Variants in PIP5K1C observed in about 807,000 individuals in gnomAD.
The protein encoded by PIP5K1C is phosphatidylinositol-4-phosphate 5-kinase type 1 gamma.
A neutral mutation model predicts 80.1 loss-of-function variants in PIP5K1C; 45 were observed. That is an observed-to-expected ratio of 0.56 (90% CI 0.44 to 0.72). The LOEUF (loss-of-function observed/expected upper bound fraction) is 0.72, where lower values mean the gene tolerates loss of function less well. Among genes scored for constraint, PIP5K1C ranks in the 30% least tolerant of loss-of-function variants. The pLI, the probability that PIP5K1C is intolerant of heterozygous loss-of-function variation, is 0.00. For synonymous variants in PIP5K1C, 498 were observed against 420.1 expected, an observed-to-expected ratio of 1.19 and a Z score of -2.27; for missense variants, 753 against 954.6, an observed-to-expected ratio of 0.79 and a Z score of 2.78.
chr19:3,635,637 T>C, intron 16 of PIP5K1C, among the ~76,000 whole-genome samples: 1 of 148,698 alleles, frequency 6.7e-6, no homozygotes, highest in Admixed American at 6.7e-5. Context: ...GAGCTGAAAT[T>C]GAGCCACTGC....
chr19:3,636,858 G>C, intron 16 of PIP5K1C: 1 of 993,462 alleles, frequency 1.0e-6, no homozygotes, highest in Non-Finnish European at 1.2e-6. Flanking sequence ...AGGCTCTCTG[G>C]GCCCCTTGCT....
At chr19:3,668,087 G>A (rs1222882078) in intron 1 of PIP5K1C, among the ~76,000 whole-genome samples, 5 of 152,138 alleles carry the variant, frequency 3.3e-5, no homozygotes, top group Non-Finnish European at 5.9e-5. Flanking sequence ...CAGCGCAGCA[G>A]GGCCTGGGCC....
At position 3,639,018 on chromosome 19, in the gene PIP5K1C, T is replaced by TG. The variant is rs1255535417; in HGVS notation, c.1788-3dup. 3.1e-6 allele frequency: 5 copies of TG among 1,610,024 alleles called. No homozygotes were observed. The highest frequency in any genetic ancestry group is 4.2e-6 in the Non-Finnish European group (5 of 1,179,872). Reference sequence around the variant, plus strand: ...GCACCGGCCGGGGAAGCCTCCACCCTGGGGACAGGAGTAGACAGAGGGTCT... The same window carrying TG: ...GCACCGGCCGGGGAAGCCTCCACCCTGGGGGACAGGAGTAGACAGAGGGTCT... On this transcript the variant is annotated splice_polypyrimidine_tract_variant and splice_region_variant and intron_variant, in intron 15 of 17. Transcript: ENST00000335312.
chr19:3,643,263 C>G lies in PIP5K1C; in HGVS notation c.1629G>C (p.Thr543=), dbSNP rs757538262. 6.2e-7 allele frequency: 1 copy of G among 1,613,760 alleles called. No individual in the cohort carries two copies. Among genetic ancestry groups the G allele is most frequent in the South Asian group, 1.1e-5 (1 of 91,088 alleles). The change falls in exon 13 of 18, where the codon ACG becomes ACC. Residue 543 remains threonine, a synonymous_variant. Coordinates refer to ENST00000335312, the MANE Select transcript of PIP5K1C (RefSeq NM_012398.3). ...CCCACCTGTACCGCGGCTGCTCCGACGTCTCCGAGGGGGACCGCTCAGGAA... is the reference window on the plus strand; with the variant it reads ...CCCACCTGTACCGCGGCTGCTCCGAGGTCTCCGAGGGGGACCGCTCAGGAA... ...LSIPERSPSE[T]SEQPRYRRRT... is the part of the protein sequence containing the mutation.
At position 3,641,804 on chromosome 19, in the gene PIP5K1C, T is replaced by A. The variant is rs1347314709; in HGVS notation, c.1688A>T (p.Gln563Leu). The A allele has an allele frequency of 6.2e-7, 1 of 1,610,848 alleles. No individual in the cohort carries two copies. The highest frequency in any genetic ancestry group is 8.5e-7 in the Non-Finnish European group (1 of 1,179,396). Residue 563 changes from glutamine to leucine, a missense_variant, in exon 15 of 18, where the codon CAG becomes CTG. By Grantham distance (113) the Gln-to-Leu change is moderately radical. This residue lies in a region of PIP5K1C where 315 missense variants were observed against 294.5 expected (regional missense o/e 1.07). Coordinates refer to ENST00000335312, the MANE Select transcript of PIP5K1C (RefSeq NM_012398.3). ...TQSSGQDGRP[Q>L]EEPPAEEDLQ... Reference sequence around the variant, plus strand: ...ATCCTCTTCCGCGGGTGGCTCCTCCTGCGGCCTGCAGGCAATGGGAGGTTG... The same window carrying A: ...ATCCTCTTCCGCGGGTGGCTCCTCCAGCGGCCTGCAGGCAATGGGAGGTTG...
At chr19:3,676,849 T>G (rs1342844714) in intron 1 of PIP5K1C, among the ~76,000 whole-genome samples, 1 of 152,222 alleles carries the variant, frequency 6.6e-6, no homozygotes, top group Non-Finnish European at 1.5e-5. Context: ...GAGGTGGCTC[T>G]AGCACTTTGG....
chr19:3,674,809 G>A (rs567247196), intron 1 of PIP5K1C, among the ~76,000 whole-genome samples: 29 of 152,308 alleles, frequency 1.9e-4, no homozygotes, highest in Admixed American at 1.8e-3. Context: ...CCTATCTGTG[G>A]ACTTCTTTGG....
rs1555712817 is a variant in PIP5K1C at position 3,630,523 on chromosome 19, AG to A, written c.*2643del. 4 of 151,942 alleles carry A rather than the reference AG, an allele frequency of 2.6e-5. No homozygotes were observed. The highest frequency in any genetic ancestry group is 5.9e-5 in the Non-Finnish European group (4 of 67,876). The allele number at this position is 151,942 out of a possible 1,614,324, so 9.4% of individuals were successfully genotyped here. ...GATTGAACCACCGGAGATGAGGAGG[AG>A]GTGGCAGGCGCCTCTCCTGGGGTGG... is the stretch of plus-strand genomic sequence containing the variant. On this transcript the variant is annotated 3_prime_UTR_variant, in exon 18 of 18. Transcript: ENST00000335312.
chr19:3,678,692 C>T (rs140321169), intron 1 of PIP5K1C, among the ~76,000 whole-genome samples: 518 of 50,998 alleles, frequency 0.01, 4 homozygotes, highest in African/African-American at 0.037. Context: ...GGAGGGATGG[C>T]GAGATGGAGG....
rs781188139 is a variant in PIP5K1C at position 3,641,790 on chromosome 19, C to T, written c.1702G>A (p.Ala568Thr). The T allele has an allele frequency of 5.0e-6, 8 of 1,611,908 alleles. No homozygotes were observed. In the Admixed American group the frequency reaches 5.0e-5, roughly 10 times the overall value. ...QDGRPQEEPP[A>T]EEDLQQITVQ... is the part of the protein sequence containing the mutation. Reference sequence around the variant, plus strand: ...GTAATCTGCTGCAGATCCTCTTCCGCGGGTGGCTCCTCCTGCGGCCTGCAG... The same window carrying T: ...GTAATCTGCTGCAGATCCTCTTCCGTGGGTGGCTCCTCCTGCGGCCTGCAG... The change falls in exon 15 of 18, where the codon GCG (alanine) becomes ACG (threonine). Residue 568 changes from alanine to threonine, a missense_variant. Physicochemically the swap from Ala to Thr is moderately conservative, Grantham distance 58 (BLOSUM62 0). Around this residue, in one of 6 missense-constraint regions of PIP5K1C, gnomAD observed 315 missense variants for 294.5 expected, o/e 1.07. Coordinates refer to ENST00000335312, the MANE Select transcript of PIP5K1C (RefSeq NM_012398.3).
chr19:3,699,372 C>T (rs2036225928), intron 1 of PIP5K1C, among the ~76,000 whole-genome samples: 1 of 151,740 alleles, frequency 6.6e-6, no homozygotes, highest in South Asian at 2.1e-4. Flanking sequence ...CACTCTCTCT[C>T]TCTCCAGACA....
At chr19:3,657,265 C>T (rs1200543123) in intron 5 of PIP5K1C, among the ~76,000 whole-genome samples, 1 of 152,174 alleles carries the variant, frequency 6.6e-6, no homozygotes, top group African/African-American at 2.4e-5. Flanking sequence ...GCAGAAGGTC[C>T]GTGCAGGTGG....
intron 17 of PIP5K1C, 79 bp downstream of exon 17, chr19:3,633,358 C>T (rs985985708): frequency 1.2e-5 from 14 of 1,165,192 alleles, no homozygotes; most frequent in Non-Finnish European, 1.7e-5. Context: ...CAGTCCCTGC[C>T]TATCCCAGTA....
chr19:3,668,069 C>T (rs764271321), intron 1 of PIP5K1C, among the ~76,000 whole-genome samples: 27 of 152,008 alleles, frequency 1.8e-4, no homozygotes, highest in Non-Finnish European at 3.2e-4. Flanking sequence ...GGGCCCGCAG[C>T]CTCCGGTCAG....
intron 16 of PIP5K1C, 102 bp from the exon 17 acceptor site, chr19:3,633,622 G>T: frequency 1.3e-6 from 1 of 776,962 alleles, no homozygotes; most frequent in Non-Finnish European, 1.8e-6. Context: ...ACATAAAAGA[G>T]GCGAATCCCC....
chr19:3,631,265 A>C lies in PIP5K1C; in HGVS notation c.*1902T>G, dbSNP rs2098559958. On this transcript the variant is annotated 3_prime_UTR_variant, in exon 18 of 18. Transcript: ENST00000335312. ...GGGCTCTGGGCAGGGCGACTCGAGG[A>C]CTCCCTGGGAGGACTGGTGTGGCCT... 1 of 152,048 alleles carries C rather than the reference A, an allele frequency of 6.6e-6. No homozygotes were observed. The highest frequency in any genetic ancestry group is 1.5e-5 in the Non-Finnish European group (1 of 68,030). 9.4% of individuals were successfully genotyped at this position (152,048 alleles called of 1,614,324 possible). A position where few individuals can be genotyped will look rare whatever the true frequency, so the allele number is the denominator to read the frequency against.
At position 3,696,572 on chromosome 19, in the gene PIP5K1C, G is replaced by A. The variant is rs1409931559; in HGVS notation, c.94+3725C>T. Among the ~76,000 whole-genome samples, 1 of 132,750 alleles carries A rather than the reference G, an allele frequency of 7.5e-6. No homozygotes were observed. Among genetic ancestry groups the A allele is most frequent in the Non-Finnish European group, 1.6e-5 (1 of 63,514 alleles). The allele number at this position is 132,750 out of a possible 152,430, so 87.1% of individuals were successfully genotyped here. On this transcript the variant is annotated intron_variant, in intron 1 of 17. Coordinates refer to ENST00000335312, the MANE Select transcript of PIP5K1C (RefSeq NM_012398.3). This position sits in a 1 kb window ranked among gnomAD's most constrained non-coding sequence, Gnocchi z 4.1. ...ACAAAACCTGGAAAGCGCTAAGGGAGCAAAGGACACAGATGGGAGGAGGGG... is the reference window on the plus strand; with the variant it reads ...ACAAAACCTGGAAAGCGCTAAGGGAACAAAGGACACAGATGGGAGGAGGGG...
chr19:3,646,089 G>C, intron 10 of PIP5K1C, 31 bp from the exon 11 acceptor site: 5 of 1,363,916 alleles, frequency 3.7e-6, no homozygotes, highest in Non-Finnish European at 4.2e-6. Context: ...GTGCCCGGGG[G>C]CAGAGGGTGC....
intron 16 of PIP5K1C, among the ~76,000 whole-genome samples, chr19:3,636,084 G>T (rs767875011): frequency 3.9e-5 from 6 of 152,124 alleles, no homozygotes; most frequent in Admixed American, 2.0e-4. Flanking sequence ...TTGTACCTGG[G>T]GGGTGGAGGT....
Sources: gnomAD v4.1 joint callset for allele counts (sites outside exome capture counted in the v4.1 genomes callset) on GRCh38, gnomAD v4.1.1 for gene constraint, gnomAD v4.1.1 regional missense constraint, Gnocchi (gnomAD v3.1) non-coding constraint, MANE v1.5 for transcripts, NCBI Gene and HGNC (gene_info 2026-07-23, HGNC 2026-07-21) for gene names.